Variants in FOXP2 observed in about 807,000 individuals in gnomAD.
The protein encoded by FOXP2 is forkhead box P2.
FOXP2 carries 12 observed loss-of-function variants against 115.8 expected under a neutral mutation model. The ratio of observed to expected loss-of-function variants is 0.10; its 90% confidence interval spans 0.07 to 0.17. FOXP2 has a LOEUF of 0.17. Ranked by LOEUF, FOXP2 falls within the 10% of genes least tolerant of loss-of-function variation. The probability of loss-of-function intolerance (pLI) is 1.00; values close to 1 mark genes in which losing one functional copy is unlikely to be tolerated. For missense variants in FOXP2, 629 were observed against 843.5 expected (o/e 0.75, Z 3.15); for synonymous variants, 328 against 297.7 (o/e 1.10, Z -1.05).
chr7:114,649,521 T>C (rs1156385791), intron 8 of FOXP2, among the ~76,000 whole-genome samples: 3 of 152,108 alleles, frequency 2.0e-5, no homozygotes, highest in Non-Finnish European at 4.4e-5. Context: ...AACAGTAATA[T>C]GTAGTACCTG....
intron 2 of FOXP2, 151 bp downstream of exon 2, chr7:114,426,830 A>G: frequency 1.2e-6 from 1 of 868,228 alleles, no homozygotes. Flanking sequence ...AAGGATGAGT[A>G]AAGAGATAAG....
At chr7:114,350,195 A>T (rs1482911823) in intron 2 of FOXP2, among the ~76,000 whole-genome samples, 1 of 152,138 alleles carries the variant, frequency 6.6e-6, no homozygotes, top group Non-Finnish European at 1.5e-5. Context: ...TTTGTTACAC[A>T]GGTATACATG....
chr7:114,431,695 C>G (rs1794120407), intron 2 of FOXP2, among the ~76,000 whole-genome samples: 3 of 151,676 alleles, frequency 2.0e-5, no homozygotes, highest in Admixed American at 6.6e-5. Context: ...TTTATTAAAG[C>G]ACATTCTTAA....
intron 1 of FOXP2, among the ~76,000 whole-genome samples, chr7:114,204,088 T>G (rs1002725182): frequency 1.3e-5 from 2 of 152,202 alleles, no homozygotes; most frequent in Non-Finnish European, 2.9e-5. Context: ...AGGCATCTTC[T>G]TTATTTGTTT....
chr7:114,219,286 G>A (rs996802533), intron 1 of FOXP2, among the ~76,000 whole-genome samples: 79 of 152,062 alleles, frequency 5.2e-4, no homozygotes, highest in Admixed American at 2.9e-3. Flanking sequence ...GAGATCATAA[G>A]GTCGATTTCA....
intron 8 of FOXP2, among the ~76,000 whole-genome samples, chr7:114,646,254 C>T (rs1043771753): frequency 2.0e-5 from 3 of 151,960 alleles, no homozygotes; most frequent in African/African-American, 4.8e-5. Context: ...GACTAACCCA[C>T]TCACCATGCA....
chr7:114,658,254 T>A lies in FOXP2; in HGVS notation c.1455T>A (p.Ile485=). ...IRRRHSDKYN[I]PMSSEIAPNY... is the part of the protein sequence containing the mutation. ...GGCGACATTCAGACAAATACAACAT[T>A]CCCATGTCATCAGGTAGGATATGAA... Residue 485 remains isoleucine, a synonymous_variant, in exon 11 of 17, where the codon ATT becomes ATA. Transcript: ENST00000350908. 6.2e-7 allele frequency: 1 copy of A among 1,613,634 alleles called. No individual in the cohort carries two copies.
rs1292832928 is a variant in FOXP2, at chr7:114,405,316, C to T, written c.-10-21186C>T. Among the ~76,000 whole-genome samples the T allele has an allele frequency of 3.3e-5, 5 of 151,888 alleles. No homozygotes were observed. In the South Asian group the frequency reaches 6.2e-4, roughly 19 times the overall value. On this transcript the variant is annotated intron_variant, in intron 2 of 17. Transcript: ENST00000634411. ...ATTCAGAAGTGAAAATTCACTTAAA[C>T]GATTTCACACTGCCCTTAATTGCAG... is the stretch of plus-strand genomic sequence containing the variant.
intron 2 of FOXP2, among the ~76,000 whole-genome samples, chr7:114,390,310 T>A (rs899462699): frequency 1.3e-5 from 2 of 152,196 alleles, no homozygotes; most frequent in Admixed American, 6.5e-5. Flanking sequence ...ACCTACTGGG[T>A]AGTTTACTCA....
intron 2 of FOXP2, among the ~76,000 whole-genome samples, chr7:114,480,087 G>T (rs565534187): frequency 6.6e-6 from 1 of 151,516 alleles, no homozygotes; most frequent in African/African-American, 2.4e-5. Flanking sequence ...GAGACACTTG[G>T]TCACTTACAA....
At chr7:114,135,130 T>C (rs1250195929) in intron 1 of FOXP2, among the ~76,000 whole-genome samples, 2 of 152,368 alleles carry the variant, frequency 1.3e-5, no homozygotes, top group East Asian at 1.9e-4. Context: ...CTGGAAAAGC[T>C]ATACCAATTT....
chr7:114,447,674 A>G (rs1293681695), intron 2 of FOXP2, among the ~76,000 whole-genome samples: 1 of 152,158 alleles, frequency 6.6e-6, no homozygotes, highest in South Asian at 2.1e-4. Flanking sequence ...ATTCCTATTC[A>G]TATTTTGAAT....
At chr7:114,518,045 T>C (rs1373395236) in intron 2 of FOXP2, among the ~76,000 whole-genome samples, 2 of 152,136 alleles carry the variant, frequency 1.3e-5, no homozygotes, top group Non-Finnish European at 2.9e-5. Flanking sequence ...TTCCACCTCC[T>C]TGGTTATATT....
intron 3 of FOXP2, among the ~76,000 whole-genome samples, chr7:114,581,421 C>G (rs981359661): frequency 4.6e-5 from 7 of 151,928 alleles, no homozygotes. Flanking sequence ...GCCTTACAGA[C>G]GTGAGCCACT....
intron 15 of FOXP2, among the ~76,000 whole-genome samples, chr7:114,664,033 G>A (rs147826897): frequency 5.3e-5 from 8 of 152,220 alleles, no homozygotes; most frequent in African/African-American, 1.7e-4. Flanking sequence ...TATGCCAAAG[G>A]TTGAAACATG....
rs1384306092 is a variant in FOXP2 at position 114,313,761 on chromosome 7, AAC to A, written c.-11+25654_-11+25655del. On this transcript the variant is annotated intron_variant, in intron 2 of 17. Transcript: ENST00000634411. ...CTCCGTCTCAAAAAAAAAAAAAAAA[AAC>A]AAAAATATTGTCATTATTTGAAATT... is the stretch of plus-strand genomic sequence containing the variant. 1.1e-4 allele frequency among the ~76,000 whole-genome samples: 17 copies of A among 150,568 alleles called. 3 individuals carry two copies. Among genetic ancestry groups the A allele is most frequent in the Admixed American group, 4.6e-4 (7 of 15,088 alleles).
chr7:114,424,649 T>C (rs932393195), intron 1 of FOXP2, among the ~76,000 whole-genome samples: 18 of 151,560 alleles, frequency 1.2e-4, no homozygotes, highest in African/African-American at 4.1e-4. Flanking sequence ...GTTTTTTTCT[T>C]ATAAAATCCA....
rs1229350114 is a variant in FOXP2 at position 114,691,540 on chromosome 7, A to C, written c.*1614A>C. 4 of 453,914 alleles carry C rather than the reference A, an allele frequency of 8.8e-6. No homozygotes were observed. Among genetic ancestry groups the C allele is most frequent in the Non-Finnish European group, 1.8e-5 (4 of 226,776 alleles). 28.1% of individuals were successfully genotyped at this position (453,914 alleles called of 1,614,324 possible). ...GGTTTTCTTGACAATTCCAAACCCC[A>C]AAACTATGATAATGAGTTATGATGT... On this transcript the variant is annotated 3_prime_UTR_variant, in exon 17 of 17. Coordinates refer to ENST00000350908, the MANE Select transcript of FOXP2 (RefSeq NM_014491.4).
intron 10 of FOXP2, chr7:114,656,624 T>C (rs1806605679): frequency 5.9e-6 from 2 of 341,724 alleles, no homozygotes; most frequent in Admixed American, 7.1e-5. Context: ...CTACCCAGTC[T>C]GCTGGCTTAG....
Sources: gnomAD v4.1 joint callset for allele counts (sites outside exome capture counted in the v4.1 genomes callset) on GRCh38, gnomAD v4.1.1 for gene constraint, MANE v1.5 for transcripts, NCBI Gene and HGNC (gene_info 2026-07-23, HGNC 2026-07-21) for gene names.